UBE2D1: variants seen among roughly 807,000 people sequenced by gnomAD.
UBE2D1 encodes the protein ubiquitin conjugating enzyme E2 D1.
In UBE2D1, 9 loss-of-function variants were observed where a neutral mutation model predicts 24.6. The ratio of observed to expected loss-of-function variants is 0.37; its 90% CI spans 0.22 to 0.64. The LOEUF (loss-of-function observed/expected upper bound fraction) is 0.64. Ranked by LOEUF, UBE2D1 falls within the 30% of genes least tolerant of loss-of-function variation. The probability of loss-of-function intolerance (pLI) is 0.64; values close to 1 mark genes in which losing one functional copy is unlikely to be tolerated. For missense variants in UBE2D1, 87 were observed against 177.1 expected (o/e 0.49, Z 2.89); for synonymous variants, 57 against 57.6 (o/e 0.99, Z 0.04).
intron 3 of UBE2D1, among the ~76,000 whole-genome samples, chr10:58,361,730 TTG>T (rs1268750680): frequency 1.3e-5 from 2 of 152,158 alleles, no homozygotes; most frequent in African/African-American, 4.8e-5. Flanking sequence ...ATGTTTTCCT[TTG>T]CTGAATCCTA....
intron 3 of UBE2D1, 42 bp from the exon 4 acceptor site, chr10:58,363,567 A>G: frequency 7.2e-7 from 1 of 1,396,382 alleles, no homozygotes; most frequent in Non-Finnish European, 9.9e-7. Flanking sequence ...TTATAAATAA[A>G]TATAGTAATC....
chr10:58,356,389 A>T (rs575549317), intron 1 of UBE2D1, among the ~76,000 whole-genome samples: 3 of 152,176 alleles, frequency 2.0e-5, no homozygotes, highest in Admixed American at 6.5e-5. Context: ...TTCACTTAAC[A>T]TTTTTCAATG....
At chr10:58,343,853 G>A (rs1441533221) in intron 1 of UBE2D1, among the ~76,000 whole-genome samples, 2 of 152,166 alleles carry the variant, frequency 1.3e-5, no homozygotes, top group Non-Finnish European at 2.9e-5. Flanking sequence ...CAAATATTTG[G>A]TAGGTATTGG....
chr10:58,362,712 T>G (rs1431408324), intron 3 of UBE2D1, among the ~76,000 whole-genome samples: 1 of 152,088 alleles, frequency 6.6e-6, no homozygotes, highest in African/African-American at 2.4e-5. Flanking sequence ...TTCTTACAAT[T>G]TTTGATAAAC....
rs1840296720 is a variant in UBE2D1 at position 58,369,948 on chromosome 10, T to C, written c.*1183T>C. 6.6e-6 allele frequency: 1 copy of C among 151,994 alleles called. No homozygotes were observed. The highest frequency in any genetic ancestry group is 6.6e-5 in the Admixed American group (1 of 15,238). 9.4% of individuals were successfully genotyped at this position (151,994 alleles called of 1,614,324 possible). On this transcript the variant is annotated 3_prime_UTR_variant, in exon 7 of 7. Coordinates refer to ENST00000373910, the MANE Select transcript of UBE2D1 (RefSeq NM_003338.5). ...CCTGCACAGTCACTAGATTAATTCATTAAAATGCCCCCACCCTGATGTAAT... is the reference window on the plus strand; with the variant it reads ...CCTGCACAGTCACTAGATTAATTCACTAAAATGCCCCCACCCTGATGTAAT...
At chr10:58,335,934 T>TC (rs1020580329) in intron 1 of UBE2D1, among the ~76,000 whole-genome samples, 1 of 152,082 alleles carries the variant, frequency 6.6e-6, no homozygotes, top group Non-Finnish European at 1.5e-5. Flanking sequence ...CAGGTTTTTT[T>TC]CCCCCTCATG....
chr10:58,354,419 G>T (rs1365420397), intron 1 of UBE2D1, among the ~76,000 whole-genome samples: 2 of 151,252 alleles, frequency 1.3e-5, no homozygotes, highest in East Asian at 3.9e-4. Context: ...TTTGGTCTCA[G>T]TACCCCTTTA....
intron 1 of UBE2D1, among the ~76,000 whole-genome samples, chr10:58,346,399 A>T (rs1840017883): frequency 6.6e-6 from 1 of 152,178 alleles, no homozygotes; most frequent in Non-Finnish European, 1.5e-5. Context: ...GATTAATGTC[A>T]TGAAAAGGGA....
At chr10:58,359,557 A>G (rs1840171890) in intron 1 of UBE2D1, among the ~76,000 whole-genome samples, 1 of 152,080 alleles carries the variant, frequency 6.6e-6, no homozygotes, top group Non-Finnish European at 1.5e-5. Context: ...CAACATATCT[A>G]CTCTCCAAAT....
intron 1 of UBE2D1, among the ~76,000 whole-genome samples, chr10:58,356,787 A>T (rs1840136046): frequency 6.6e-6 from 1 of 152,176 alleles, no homozygotes; most frequent in Non-Finnish European, 1.5e-5. Context: ...GCTTAACTAT[A>T]CATTGCTCGC....
intron 1 of UBE2D1, among the ~76,000 whole-genome samples, chr10:58,339,685 C>G (rs1839942318): frequency 6.6e-6 from 1 of 151,732 alleles, no homozygotes; most frequent in Non-Finnish European, 1.5e-5. Context: ...GAGTAGTTTA[C>G]TCATGATCAC....
intron 1 of UBE2D1, among the ~76,000 whole-genome samples, chr10:58,336,483 G>GT (rs1430090492): frequency 1.3e-5 from 2 of 152,096 alleles, no homozygotes; most frequent in Non-Finnish European, 2.9e-5. Context: ...GAGCCTGCCA[G>GT]TTTTTTATTT....
chr10:58,368,298 G>A, intron 6 of UBE2D1: 1 of 299,300 alleles, frequency 3.3e-6, no homozygotes, highest in Non-Finnish European at 6.2e-6. Context: ...TTTAATCATT[G>A]GAAAGTATTA....
At chr10:58,337,821 GA>G (rs1314514633) in intron 1 of UBE2D1, among the ~76,000 whole-genome samples, 1 of 152,090 alleles carries the variant, frequency 6.6e-6, no homozygotes, top group African/African-American at 2.4e-5. Context: ...CAGAGGCCTG[GA>G]GTGGAGGAGT....
chr10:58,344,502 G>C (rs1839995000), intron 1 of UBE2D1, among the ~76,000 whole-genome samples: 1 of 151,562 alleles, frequency 6.6e-6, no homozygotes, highest in Admixed American at 6.6e-5. Flanking sequence ...TAATGTATTT[G>C]CTGTTTTTTT....
At chr10:58,338,655 T>C (rs1003045745) in intron 1 of UBE2D1, among the ~76,000 whole-genome samples, 1 of 151,898 alleles carries the variant, frequency 6.6e-6, no homozygotes, top group Non-Finnish European at 1.5e-5. Flanking sequence ...ACCAAATGTT[T>C]TGAAAACTAA....
chr10:58,364,270 A>G (rs1840231778), intron 4 of UBE2D1, among the ~76,000 whole-genome samples: 2 of 152,196 alleles, frequency 1.3e-5, no homozygotes, highest in South Asian at 2.1e-4. Flanking sequence ...AAAACAGATT[A>G]ACATTGTATT....
chr10:58,344,494 A>G (rs1839994870), intron 1 of UBE2D1, among the ~76,000 whole-genome samples: 1 of 152,176 alleles, frequency 6.6e-6, no homozygotes, highest in East Asian at 1.9e-4. Flanking sequence ...AACCTAAATA[A>G]TGTATTTGCT....
intron 1 of UBE2D1, among the ~76,000 whole-genome samples, chr10:58,350,200 A>G (rs1203467764): frequency 1.3e-5 from 2 of 152,322 alleles, no homozygotes; most frequent in East Asian, 3.9e-4. Flanking sequence ...CGTGTTTGCC[A>G]TTAGTGGTTA....
Sources: gnomAD v4.1 joint callset for allele counts (sites outside exome capture counted in the v4.1 genomes callset) on GRCh38, gnomAD v4.1.1 for gene constraint, MANE v1.5 for transcripts, NCBI Gene and HGNC (gene_info 2026-07-23, HGNC 2026-07-21) for gene names.